The following BCKDHB variants were observed in gnomAD, a reference collection of about 807,000 sequenced individuals.
BCKDHB encodes branched chain keto acid dehydrogenase E1 subunit beta.
BCKDHB carries 41 observed loss-of-function variants against 48.5 expected under a neutral mutation model. The observed-to-expected ratio is 0.85, with a 90% confidence interval of 0.66 to 1.10. The LOEUF is 1.10. BCKDHB is among the 50% of genes least tolerant of loss of function. BCKDHB has a pLI of 0.00. For synonymous variants in BCKDHB, 201 were observed against 174.8 expected (o/e 1.15, Z -1.18); for missense variants, 496 against 494.2 (o/e 1.00, Z -0.03).
At chr6:80,107,249 G>C (rs2490234) in intron 1 of BCKDHB, among the ~76,000 whole-genome samples, 101,227 of 148,712 alleles carry the variant, frequency 0.68, 35,249 homozygotes, top group African/African-American at 0.83. Flanking sequence ...TTCCAGCCTG[G>C]CCAGGACTGG....
the BCKDHB span, among the ~76,000 whole-genome samples, chr6:80,373,636 A>G: frequency 1.3e-5 from 2 of 152,078 alleles, no homozygotes; most frequent in Admixed American, 1.3e-4. Context: ...ATTGCTGTCT[A>G]TCTCATCTCT....
At chr6:80,201,893 A>G (rs1774413545) in intron 7 of BCKDHB, among the ~76,000 whole-genome samples, 1 of 152,298 alleles carries the variant, frequency 6.6e-6, no homozygotes, top group East Asian at 1.9e-4. Context: ...GATAACAAAA[A>G]TAGTTTTCAA....
intron 4 of BCKDHB, among the ~76,000 whole-genome samples, chr6:80,168,133 A>G (rs940767685): frequency 6.6e-6 from 1 of 151,950 alleles, no homozygotes; most frequent in African/African-American, 2.4e-5. Flanking sequence ...AAAAACTACA[A>G]AAATTAGCCC....
chr6:80,401,215 T>C, the BCKDHB span, among the ~76,000 whole-genome samples: 1 of 151,788 alleles, frequency 6.6e-6, no homozygotes, highest in African/African-American at 2.4e-5. Flanking sequence ...GAAACTAATA[T>C]AAAAGATTTT....
the BCKDHB span, among the ~76,000 whole-genome samples, chr6:80,372,277 G>A: frequency 3.3e-5 from 5 of 152,184 alleles, no homozygotes; most frequent in Admixed American, 1.3e-4. Flanking sequence ...GTCACTGTTG[G>A]TGTATAGCAG....
At chr6:80,260,222 T>TG (rs1403476087) in intron 8 of BCKDHB, among the ~76,000 whole-genome samples, 6 of 151,758 alleles carry the variant, frequency 4.0e-5, no homozygotes, top group Non-Finnish European at 4.4e-5. Context: ...GGTGTGTGTG[T>TG]GTGTGTGGGG....
chr6:80,465,519 C>T, the BCKDHB span, among the ~76,000 whole-genome samples: 4 of 152,148 alleles, frequency 2.6e-5, no homozygotes, highest in African/African-American at 4.8e-5. Context: ...TTTTCCTTCT[C>T]TGATTTTTGT....
chr6:80,196,866 C>T (rs961716766), intron 6 of BCKDHB, among the ~76,000 whole-genome samples: 1 of 152,130 alleles, frequency 6.6e-6, no homozygotes, highest in Admixed American at 6.6e-5. Context: ...TTACAATATA[C>T]ATTAAAAAAA....
At chr6:80,250,265 A>G in intron 8 of BCKDHB, among the ~76,000 whole-genome samples, 1 of 105,672 alleles carries the variant, frequency 9.5e-6, no homozygotes, top group South Asian at 3.9e-4. Flanking sequence ...ATGAATCTTT[A>G]CTTCTGGCAT....
At chr6:80,307,375 C>T (rs1767934097) in intron 9 of BCKDHB, 3 of 951,464 alleles carry the variant, frequency 3.2e-6, no homozygotes, top group Non-Finnish European at 3.8e-6. Flanking sequence ...TGTTTATATT[C>T]TTTTTTCCAT....
the BCKDHB span, among the ~76,000 whole-genome samples, chr6:80,400,683 AG>A: frequency 6.6e-6 from 1 of 151,924 alleles, no homozygotes; most frequent in Admixed American, 6.6e-5. Context: ...AGCTAAAAAC[AG>A]TACTTCAACC....
At chr6:80,111,116 G>T (rs12203867) in intron 1 of BCKDHB, among the ~76,000 whole-genome samples, 55,858 of 152,114 alleles carry the variant, frequency 0.37, 12,275 homozygotes, top group Admixed American at 0.56. Context: ...ACAAATCAAA[G>T]GAGGAATAAA....
At chr6:80,213,893 A>G (rs1259193688) in intron 8 of BCKDHB, among the ~76,000 whole-genome samples, 1 of 152,082 alleles carries the variant, frequency 6.6e-6, no homozygotes, top group Non-Finnish European at 1.5e-5. Flanking sequence ...GGGGTAGTCT[A>G]TCATAGGAGC....
Position 80,266,561 on chromosome 6 carries a change from G to A in BCKDHB, c.952-6574G>A, listed in dbSNP as rs938934942. On this transcript the variant is annotated intron_variant, in intron 8 of 9. Transcript: ENST00000320393. ...TGTGTTCAGTACTAACTCAGTGTTT[G>A]TGTATTTGTTACCATCATGCATGTT... Among the ~76,000 whole-genome samples, 8 of 152,056 alleles carry A rather than the reference G, an allele frequency of 5.3e-5. No homozygotes were observed. The South Asian group carries it at 1.7e-3, about 32-fold the overall frequency.
chr6:80,405,644 T>C, the BCKDHB span, among the ~76,000 whole-genome samples: 1 of 152,028 alleles, frequency 6.6e-6, no homozygotes, highest in Non-Finnish European at 1.5e-5. Context: ...AATAATTTTT[T>C]GCAGTGCAGT....
the BCKDHB span, among the ~76,000 whole-genome samples, chr6:80,367,995 C>T: frequency 3.9e-5 from 6 of 152,236 alleles, no homozygotes; most frequent in Non-Finnish European, 7.3e-5. Flanking sequence ...GAGAGTGACG[C>T]TGTGTGAGAT....
At chr6:80,276,027 G>A (rs900248670) in intron 9 of BCKDHB, among the ~76,000 whole-genome samples, 1 of 151,892 alleles carries the variant, frequency 6.6e-6, no homozygotes, top group Non-Finnish European at 1.5e-5. Flanking sequence ...AAATGTACAC[G>A]GACAACTCTT....
chr6:80,152,902 G>A (rs1003520932), intron 3 of BCKDHB, among the ~76,000 whole-genome samples: 3 of 152,164 alleles, frequency 2.0e-5, no homozygotes, highest in African/African-American at 7.2e-5. Flanking sequence ...GAGGGGGCTA[G>A]TGTAGAGTGA....
intron 1 of BCKDHB, among the ~76,000 whole-genome samples, chr6:80,110,441 A>G (rs1288635965): frequency 6.6e-6 from 1 of 152,172 alleles, no homozygotes; most frequent in Non-Finnish European, 1.5e-5. Context: ...GGTCATCCAT[A>G]TACTGGAGTA....
Sources: allele counts gnomAD v4.1 joint callset (sites outside exome capture counted in the v4.1 genomes callset), GRCh38; gene constraint gnomAD v4.1.1; transcripts MANE v1.5; gene names NCBI Gene and HGNC (gene_info 2026-07-23, HGNC 2026-07-21).